The following ANTXR1 variants were observed in gnomAD, a reference collection of about 807,000 sequenced individuals.
The protein encoded by ANTXR1 is anthrax toxin receptor 1.
Under a neutral mutation model 78.1 loss-of-function variants are expected in ANTXR1, and 19 were observed. The observed-to-expected ratio is 0.24, with a 90% CI of 0.17 to 0.36. ANTXR1 has a LOEUF of 0.36. ANTXR1 is among the 10% of genes least tolerant of loss of function. ANTXR1 has a pLI of 1.00. For synonymous variants in ANTXR1, 273 were observed against 260.5 expected, an observed-to-expected ratio of 1.05 and a Z score of -0.46; for missense variants, 518 against 718.6, an observed-to-expected ratio of 0.72 and a Z score of 3.19.
At chr2:69,209,857 T>C (rs537302002) in intron 17 of ANTXR1, among the ~76,000 whole-genome samples, 1 of 152,344 alleles carries the variant, frequency 6.6e-6, no homozygotes, top group South Asian at 2.1e-4. Flanking sequence ...ACTCTGGATG[T>C]AACATGGAGG....
rs147786822 is a variant in ANTXR1, at chr2:69,074,775, T to C, written c.493-815T>C. 2.9e-4 allele frequency among the ~76,000 whole-genome samples: 44 copies of C among 152,326 alleles called. 1 individual carries two copies. The East Asian group carries it at 7.9e-3, about 27-fold the overall frequency. ...AAGGGAAAAAATAACACAATCAAAATCAATATGCATATATTGAGCACTCGC... is the reference window on the plus strand; with the variant it reads ...AAGGGAAAAAATAACACAATCAAAACCAATATGCATATATTGAGCACTCGC... On this transcript the variant is annotated intron_variant, in intron 6 of 17. Transcript: ENST00000303714.
chr2:69,132,859 G>A (rs190553318), intron 12 of ANTXR1, among the ~76,000 whole-genome samples: 1 of 152,320 alleles, frequency 6.6e-6, no homozygotes, highest in East Asian at 1.9e-4. Context: ...TCGAAGAATA[G>A]CCAGTCCTTG....
chr2:69,054,507 TG>T (rs1168577037), intron 3 of ANTXR1, among the ~76,000 whole-genome samples: 1 of 152,072 alleles, frequency 6.6e-6, no homozygotes, highest in Non-Finnish European at 1.5e-5. Context: ...ATTTCACAGA[TG>T]GGGGTACGAG....
intron 12 of ANTXR1, among the ~76,000 whole-genome samples, chr2:69,141,011 G>A (rs1673053576): frequency 6.6e-6 from 1 of 152,172 alleles, no homozygotes; most frequent in Non-Finnish European, 1.5e-5. Context: ...GATCAGCTTT[G>A]ATCAAGGATA....
chr2:69,034,070 G>A (rs1381241953), intron 1 of ANTXR1, among the ~76,000 whole-genome samples: 2 of 152,172 alleles, frequency 1.3e-5, no homozygotes, highest in Non-Finnish European at 2.9e-5. Flanking sequence ...ATAATCAGAG[G>A]GCAGTGTCAG....
intron 1 of ANTXR1, among the ~76,000 whole-genome samples, chr2:69,030,858 G>A (rs1288136274): frequency 6.6e-6 from 1 of 151,784 alleles, no homozygotes; most frequent in South Asian, 2.1e-4. Flanking sequence ...ATACAGATTT[G>A]TATATTATCT....
chr2:69,146,165 G>A, intron 12 of ANTXR1: 7 of 985,336 alleles, frequency 7.1e-6, no homozygotes, highest in Non-Finnish European at 7.2e-6. Flanking sequence ...CTTAATAGCG[G>A]GCCTCTGTGT....
At chr2:69,045,757 C>T (rs542285257) in intron 3 of ANTXR1, among the ~76,000 whole-genome samples, 45 of 152,130 alleles carry the variant, frequency 3.0e-4, no homozygotes, top group African/African-American at 1.0e-3. Context: ...AGAAAGAGTG[C>T]TCTGTACCAT....
intron 2 of ANTXR1, among the ~76,000 whole-genome samples, chr2:69,040,990 T>G (rs1156657903): frequency 6.6e-6 from 1 of 152,112 alleles, no homozygotes; most frequent in African/African-American, 2.4e-5. Context: ...CATGTTCCCC[T>G]CAAATTTGGT....
intron 17 of ANTXR1, among the ~76,000 whole-genome samples, chr2:69,222,588 G>A (rs1165649094): frequency 6.6e-6 from 1 of 152,174 alleles, no homozygotes. Flanking sequence ...TGTAATATCA[G>A]GCAGAATAAC....
At chr2:69,065,439 A>AAAC (rs1670370187) in intron 3 of ANTXR1, among the ~76,000 whole-genome samples, 1 of 151,876 alleles carries the variant, frequency 6.6e-6, no homozygotes, top group Admixed American at 6.6e-5. Flanking sequence ...AAAAAAAAAA[A>AAAC]AAAGTGATTT....
intron 17 of ANTXR1, among the ~76,000 whole-genome samples, chr2:69,207,264 T>C (rs752587148): frequency 6.6e-6 from 1 of 152,236 alleles, no homozygotes; most frequent in Non-Finnish European, 1.5e-5. Context: ...ATTCTGTTAA[T>C]AACATGTTTA....
intron 1 of ANTXR1, among the ~76,000 whole-genome samples, chr2:69,014,045 T>C (rs1670949420): frequency 6.6e-6 from 1 of 152,252 alleles, no homozygotes; most frequent in Non-Finnish European, 1.5e-5. Flanking sequence ...GTTAGAGGCT[T>C]GGGCATTTTA....
chr2:69,136,744 C>G (rs1672918508), intron 12 of ANTXR1, among the ~76,000 whole-genome samples: 1 of 151,944 alleles, frequency 6.6e-6, no homozygotes, highest in Non-Finnish European at 1.5e-5. Flanking sequence ...CAGAGTAAAC[C>G]CTTTCAAAAA....
At chr2:69,233,540 A>G (rs1279201332) in intron 17 of ANTXR1, among the ~76,000 whole-genome samples, 1 of 152,016 alleles carries the variant, frequency 6.6e-6, no homozygotes, top group Non-Finnish European at 1.5e-5. Flanking sequence ...GAAACTATCA[A>G]CTGTGAATAG....
At chr2:69,225,336 C>T (rs766221519) in intron 17 of ANTXR1, among the ~76,000 whole-genome samples, 50 of 152,022 alleles carry the variant, frequency 3.3e-4, no homozygotes, top group African/African-American at 9.7e-4. Context: ...CAGACTGAGC[C>T]GGGGACAGTG....
At chr2:69,147,006 C>T (rs72901335) in intron 12 of ANTXR1, among the ~76,000 whole-genome samples, 5,640 of 152,318 alleles carry the variant, frequency 0.037, 336 homozygotes, top group African/African-American at 0.13. Context: ...GCAGTTAGCA[C>T]GGAGTATGCC....
At chr2:69,184,735 C>T (rs1354140382) in intron 16 of ANTXR1, among the ~76,000 whole-genome samples, 2 of 152,176 alleles carry the variant, frequency 1.3e-5, no homozygotes, top group African/African-American at 4.8e-5. Context: ...TCCCAACACC[C>T]ACTTGGAATT....
chr2:69,064,789 G>T (rs1670345677), intron 3 of ANTXR1, among the ~76,000 whole-genome samples: 2 of 152,158 alleles, frequency 1.3e-5, no homozygotes. Context: ...GACAATCCAT[G>T]GGTTAAAGAA....
Sources: allele counts gnomAD v4.1 joint callset (sites outside exome capture counted in the v4.1 genomes callset), GRCh38; gene constraint gnomAD v4.1.1; transcripts MANE v1.5; gene names NCBI Gene and HGNC (gene_info 2026-07-23, HGNC 2026-07-21).